JCAD: variants seen among roughly 807,000 people sequenced by gnomAD.
JCAD encodes junctional cadherin 5 associated, also known as junctional cadherin 5-associated protein.
A neutral mutation model predicts 98.0 loss-of-function variants in JCAD; 40 were observed. The observed-to-expected ratio is 0.41, with a 90% CI of 0.32 to 0.53. The LOEUF is 0.53. Among genes scored for constraint, JCAD ranks in the 20% least tolerant of loss-of-function variants. The probability of loss-of-function intolerance (pLI) is 0.31; values close to 1 mark genes in which losing one functional copy is unlikely to be tolerated. For synonymous variants in JCAD, 691 were observed against 682.3 expected (o/e 1.01, Z -0.20); for missense variants, 1,705 against 1,738.1 (o/e 0.98, Z 0.34).
At chr10:30,106,708 C>T (rs988232089) in intron 1 of JCAD, among the ~76,000 whole-genome samples, 2 of 152,292 alleles carry the variant, frequency 1.3e-5, no homozygotes, top group East Asian at 3.9e-4. Flanking sequence ...ACCATGTTGG[C>T]CAGGCTGGTC....
chr10:30,061,096 C>T (rs1837693630), upstream of JCAD, among the ~76,000 whole-genome samples: 1 of 152,306 alleles, frequency 6.6e-6, no homozygotes, highest in South Asian at 2.1e-4. Context: ...CTTGGCTTCT[C>T]TGCCACTTTC....
rs1838106637 is a variant in JCAD, at chr10:30,082,802, G to C, written n.129-12981C>G. On this transcript the variant is annotated intron_variant and non_coding_transcript_variant, in intron 1 of 2. Transcript: ENST00000465712. ...GGATGTGGAGGTTGCGGTGAGCCAAGATCACACCATTGTACTTTAGCCTGG... is the reference window on the plus strand; with the variant it reads ...GGATGTGGAGGTTGCGGTGAGCCAACATCACACCATTGTACTTTAGCCTGG... 4.1e-5 allele frequency among the ~76,000 whole-genome samples: 5 copies of C among 123,126 alleles called. No individual in the cohort carries two copies. In the Admixed American group the frequency reaches 5.6e-4, roughly 14 times the overall value. 80.8% of individuals were successfully genotyped at this position (123,126 alleles called of 152,430 possible).
rs752405782 is a variant in JCAD, at chr10:30,027,875, G to A, written c.2273C>T (p.Pro758Leu). Residue 758 changes from proline to leucine, a missense_variant, in exon 3 of 4, where the codon CCA becomes CTA. Coordinates refer to ENST00000375377, the MANE Select transcript of JCAD (RefSeq NM_020848.4). Reference protein sequence around the residue: ...RNLKGHRSLSPSSNSAFSRTS... With the variant: ...RNLKGHRSLSLSSNSAFSRTS... ...CCTTGAGAACGCACTGTTGCTGGAT[G>A]GGCTGAGGGACCTGTGACCTTTCAG... 3 of 1,614,238 alleles carry A rather than the reference G, an allele frequency of 1.9e-6. No homozygotes were observed. The Admixed American group carries it at 5.0e-5, about 27-fold the overall frequency.
intron 1 of JCAD, among the ~76,000 whole-genome samples, chr10:30,092,102 ATATATAT>A (rs1838290686): frequency 9.6e-6 from 1 of 104,044 alleles, no homozygotes; most frequent in Admixed American, 1.1e-4. Flanking sequence ...GTTACTTTAT[ATATATAT>A]ATATATATAT....
intron 2 of JCAD, among the ~76,000 whole-genome samples, chr10:30,032,257 T>TA (rs1307249771): frequency 6.6e-6 from 1 of 152,162 alleles, no homozygotes; most frequent in Admixed American, 6.6e-5. Flanking sequence ...TGTGAGCCTT[T>TA]AAAAAATACC....
intron 1 of JCAD, among the ~76,000 whole-genome samples, chr10:30,080,605 C>T (rs1838064540): frequency 6.6e-6 from 1 of 152,190 alleles, no homozygotes. Flanking sequence ...ATGCCTGTAT[C>T]ACATGCTTCC....
intron 2 of JCAD, among the ~76,000 whole-genome samples, chr10:30,045,771 T>C (rs1306549744): frequency 1.3e-5 from 2 of 152,154 alleles, no homozygotes; most frequent in East Asian, 1.9e-4. Context: ...ATTGTGATTT[T>C]CCCCCCTGAG....
intron 1 of JCAD, among the ~76,000 whole-genome samples, chr10:30,109,295 G>A (rs1588660889): frequency 6.6e-6 from 1 of 152,174 alleles, no homozygotes; most frequent in Non-Finnish European, 1.5e-5. Flanking sequence ...GCATGTCTAG[G>A]CTTGGTTCAT....
intron 1 of JCAD, among the ~76,000 whole-genome samples, chr10:30,071,626 G>A (rs1342119245): frequency 1.3e-5 from 2 of 152,092 alleles, no homozygotes; most frequent in Non-Finnish European, 2.9e-5. Context: ...ACAACATGGT[G>A]AAATCCTGTC....
intron 1 of JCAD, among the ~76,000 whole-genome samples, chr10:30,108,419 G>C (rs1838626290): frequency 6.6e-6 from 1 of 152,104 alleles, no homozygotes; most frequent in Non-Finnish European, 1.5e-5. Flanking sequence ...CAGAATTGCA[G>C]AGGGATAGGC....
chr10:30,102,342 T>C lies in JCAD; in HGVS notation n.128+13025A>G, dbSNP rs1340639450. On this transcript the variant is annotated intron_variant and non_coding_transcript_variant, in intron 1 of 2. Coordinates refer to the JCAD transcript ENST00000465712. ...GCTTACCACCATGTCCGGCTAATTTTTGTATTTTTAGTAGAGAGAGGGTTC... is the reference window on the plus strand; with the variant it reads ...GCTTACCACCATGTCCGGCTAATTTCTGTATTTTTAGTAGAGAGAGGGTTC... Among the ~76,000 whole-genome samples, 5 of 152,202 alleles carry C rather than the reference T, an allele frequency of 3.3e-5. No individual in the cohort carries two copies. In the East Asian group the frequency reaches 9.7e-4, roughly 29 times the overall value.
At chr10:30,076,612 G>A (rs779769733) in intron 1 of JCAD, among the ~76,000 whole-genome samples, 3 of 152,094 alleles carry the variant, frequency 2.0e-5, no homozygotes, top group Non-Finnish European at 4.4e-5. Context: ...GGTGTCCCAG[G>A]GCTGTTTGGC....
chr10:30,096,286 A>G (rs542941171), intron 1 of JCAD, among the ~76,000 whole-genome samples: 2 of 151,908 alleles, frequency 1.3e-5, no homozygotes, highest in Admixed American at 1.3e-4. Context: ...CTGGAGCTCA[A>G]CTCCTGCTGC....
rs547798937 is a variant in JCAD at position 30,075,669 on chromosome 10, A to C, written n.129-5848T>G. On this transcript the variant is annotated intron_variant and non_coding_transcript_variant, in intron 1 of 2. Coordinates refer to the JCAD transcript ENST00000465712. Reference sequence around the variant, plus strand: ...TCACATCAGAAATGCCAAACATCAAACACCAGCAGACGCCAACCTGTCAGA... The same window carrying C: ...TCACATCAGAAATGCCAAACATCAACCACCAGCAGACGCCAACCTGTCAGA... Among the ~76,000 whole-genome samples the C allele has an allele frequency of 4.6e-5, 7 of 152,286 alleles. No homozygotes were observed. In the East Asian group the frequency reaches 1.4e-3, roughly 29 times the overall value.
chr10:30,072,991 C>T (rs1169049927), intron 1 of JCAD, among the ~76,000 whole-genome samples: 5 of 152,210 alleles, frequency 3.3e-5, no homozygotes, highest in Admixed American at 1.3e-4. Context: ...GGGGCATGAC[C>T]AGTCCTAACA....
intron 1 of JCAD, among the ~76,000 whole-genome samples, chr10:30,077,576 G>A (rs1204891033): frequency 6.6e-6 from 1 of 152,148 alleles, no homozygotes; most frequent in Non-Finnish European, 1.5e-5. Context: ...TATTCATTAA[G>A]CAATAACTCC....
Position 30,027,036 on chromosome 10 carries a change from T to C in JCAD, c.3112A>G (p.Asn1038Asp), listed in dbSNP as rs1206769772. The change falls in exon 3 of 4, where the codon AAC becomes GAC. Residue 1038 changes from asparagine to aspartate, a missense_variant. Around this residue, in one of 3 missense-constraint regions of JCAD, gnomAD observed 1,278 missense variants for 1,243.1 expected, o/e 1.03. Coordinates refer to ENST00000375377, the MANE Select transcript of JCAD (RefSeq NM_020848.4). ...RGAGLPLSLS[N>D]KNRGLSAPDL... Reference sequence around the variant, plus strand: ...GGAGCTGAGAGCCCTCGGTTCTTGTTAGACAGGGACAGTGGGAGCCCTGCC... The same window carrying C: ...GGAGCTGAGAGCCCTCGGTTCTTGTCAGACAGGGACAGTGGGAGCCCTGCC... 2.5e-6 allele frequency: 4 copies of C among 1,614,066 alleles called. No homozygotes were observed. The South Asian group carries it at 3.3e-5, about 13-fold the overall frequency.
intron 1 of JCAD, among the ~76,000 whole-genome samples, chr10:30,102,883 G>C (rs997070323): frequency 6.6e-6 from 1 of 152,180 alleles, no homozygotes; most frequent in African/African-American, 2.4e-5. Context: ...GCAGGCAAGA[G>C]GGCATGTGCA....
In JCAD at chr10:30,059,229, G is replaced by A. The variant is rs1837650949; in HGVS notation, c.-60+253C>T. On this transcript the variant is annotated intron_variant, in intron 1 of 3. Transcript: ENST00000375377. The surrounding 1 kb of genome is among the most constrained non-coding windows in gnomAD (Gnocchi z 5.0). ...GCTCCGAGCGGGGCACCTGAGGGGA[G>A]GGGACGCCCCTCCCGGGCTGGCAGG... Among the ~76,000 whole-genome samples, 1 of 151,556 alleles carries A rather than the reference G, an allele frequency of 6.6e-6. No homozygotes were observed. Among genetic ancestry groups the A allele is most frequent in the Admixed American group, 6.6e-5 (1 of 15,212 alleles).
Sources: gnomAD v4.1 joint callset for allele counts (sites outside exome capture counted in the v4.1 genomes callset) on GRCh38, gnomAD v4.1.1 for gene constraint, gnomAD v4.1.1 regional missense constraint, Gnocchi (gnomAD v3.1) non-coding constraint, MANE v1.5 for transcripts, NCBI Gene and HGNC (gene_info 2026-07-23, HGNC 2026-07-21) for gene names.